Variants in NFASC observed in about 807,000 individuals in gnomAD.
NFASC encodes the protein neurofascin homolog.
In NFASC, 43 loss-of-function variants were observed where a neutral mutation model predicts 147.5. The ratio of observed to expected loss-of-function variants is 0.29; its 90% CI spans 0.23 to 0.38. The LOEUF is 0.38. Ranked by LOEUF, NFASC falls within the 10% of genes least tolerant of loss-of-function variation. The pLI is 1.00. For missense variants in NFASC, 1,320 were observed against 1,689.0 expected (o/e 0.78, Z 3.83); for synonymous variants, 622 against 665.5 (o/e 0.93, Z 1.01).
chr1:204,997,132 A>G (rs1271631398), intron 24 of NFASC, 38 bp from the exon 25 acceptor site: 15 of 1,583,692 alleles, frequency 9.5e-6, no homozygotes, highest in Middle Eastern at 3.4e-4. Context: ...GGCACAGCCA[A>G]ACCAACCAGA....
chr1:204,969,040 C>A, intron 10 of NFASC, 58 bp downstream of exon 10: 1 of 1,504,562 alleles, frequency 6.6e-7, no homozygotes, highest in Non-Finnish European at 9.1e-7. Flanking sequence ...ACCATGCCCA[C>A]CCTTCCCTCT....
chr1:204,949,242 T>C (rs2093966439), intron 3 of NFASC, among the ~76,000 whole-genome samples: 1 of 152,236 alleles, frequency 6.6e-6, no homozygotes, highest in Non-Finnish European at 1.5e-5. Context: ...CTGCCCCTCC[T>C]CTGGGATCTC....
At chr1:204,860,409 G>A (rs2076555633) in intron 1 of NFASC, among the ~76,000 whole-genome samples, 1 of 152,152 alleles carries the variant, frequency 6.6e-6, no homozygotes, top group South Asian at 2.1e-4. Context: ...GTGGGCCAGT[G>A]TCCCCTGTGC....
At chr1:205,014,976 C>T (rs1167764300) in intron 29 of NFASC, among the ~76,000 whole-genome samples, 1 of 152,090 alleles carries the variant, frequency 6.6e-6, no homozygotes, top group Admixed American at 6.5e-5. Flanking sequence ...TCCCTCACAC[C>T]ATCTCCCAAC....
At chr1:204,841,446 G>C (rs555406176) in intron 1 of NFASC, among the ~76,000 whole-genome samples, 1 of 152,296 alleles carries the variant, frequency 6.6e-6, no homozygotes, top group South Asian at 2.1e-4. Flanking sequence ...GAGTATCACA[G>C]AGATTCCAAT....
At chr1:204,977,649 G>A in intron 16 of NFASC, 32 bp from the exon 17 acceptor site, 1 of 1,603,258 alleles carries the variant, frequency 6.2e-7, no homozygotes, top group Non-Finnish European at 8.5e-7. Context: ...TGGATAACCT[G>A]CTAACCTGGA....
At chr1:204,886,351 T>C (rs995011880) in intron 1 of NFASC, among the ~76,000 whole-genome samples, 3 of 152,256 alleles carry the variant, frequency 2.0e-5, no homozygotes, top group Non-Finnish European at 4.4e-5. Flanking sequence ...CATCTCATTT[T>C]TGTAAAAAGT....
At chr1:204,865,921 C>T (rs2077069004) in intron 1 of NFASC, among the ~76,000 whole-genome samples, 1 of 152,162 alleles carries the variant, frequency 6.6e-6, no homozygotes, top group Non-Finnish European at 1.5e-5. Context: ...GCCAATTTAC[C>T]CTTCTGCCAG....
chr1:204,893,782 T>G (rs1042926615), intron 1 of NFASC, among the ~76,000 whole-genome samples: 1 of 152,222 alleles, frequency 6.6e-6, no homozygotes, highest in East Asian at 1.9e-4. Context: ...CTTCTCCCCC[T>G]TTGCCTCTCT....
chr1:204,953,275 T>G (rs923735929), intron 5 of NFASC, among the ~76,000 whole-genome samples: 1 of 152,118 alleles, frequency 6.6e-6, no homozygotes, highest in Non-Finnish European at 1.5e-5. Flanking sequence ...CTTTAAAAGC[T>G]GCCACTGTTT....
intron 27 of NFASC, among the ~76,000 whole-genome samples, chr1:205,007,541 GATCT>G (rs1020109482): frequency 5.9e-5 from 9 of 152,042 alleles, no homozygotes; most frequent in African/African-American, 1.7e-4. Context: ...GATAATGATA[GATCT>G]ATATATATTA....
chr1:204,911,858 T>C (rs991850419), intron 1 of NFASC, among the ~76,000 whole-genome samples: 5 of 152,180 alleles, frequency 3.3e-5, no homozygotes, highest in African/African-American at 9.7e-5. Flanking sequence ...TGGCAGTTTG[T>C]GTTTTTTGAG....
chr1:204,974,755 G>A lies in NFASC; in HGVS notation c.1490G>A (p.Gly497Asp), dbSNP rs770489935. ...AAGATGATCCGCAAAGAGGACCAGGGCATCTACACCTGTGTCGCCACCAAC... is the reference window on the plus strand; with the variant it reads ...AAGATGATCCGCAAAGAGGACCAGGACATCTACACCTGTGTCGCCACCAAC... The part of the protein sequence containing the change: ...EIKMIRKEDQ[G>D]IYTCVATNIL... The change falls in exon 14 of 30, where the codon GGC (glycine) becomes GAC (aspartate). Residue 497 changes from glycine (G) to aspartate (D), a missense_variant. This residue lies in a region of NFASC where 981 missense variants were observed against 1,289.5 expected (regional missense o/e 0.76). Transcript: ENST00000339876. 1.2e-6 allele frequency: 2 copies of A among 1,613,550 alleles called. No individual in the cohort carries two copies. The highest frequency in any genetic ancestry group is 1.7e-6 in the Non-Finnish European group (2 of 1,179,862).
intron 2 of NFASC, among the ~76,000 whole-genome samples, chr1:204,927,581 T>C (rs1421927029): frequency 1.3e-5 from 2 of 152,202 alleles, no homozygotes; most frequent in Non-Finnish European, 2.9e-5. Flanking sequence ...AGTATTTTTA[T>C]ACTCTACAAA....
At chr1:204,860,767 C>A (rs1157848203) in intron 1 of NFASC, among the ~76,000 whole-genome samples, 1 of 152,144 alleles carries the variant, frequency 6.6e-6, no homozygotes, top group Non-Finnish European at 1.5e-5. Context: ...TAGCCCCTGG[C>A]AATCATTAAT....
At chr1:204,846,149 G>A (rs532122022) in intron 1 of NFASC, among the ~76,000 whole-genome samples, 4 of 150,694 alleles carry the variant, frequency 2.7e-5, no homozygotes, top group African/African-American at 9.8e-5. Context: ...TTGAGCCCAG[G>A]AGTTTGAGGC....
rs1220055758 is a variant in NFASC at position 205,009,590 on chromosome 1, A to G, written c.3323A>G (p.Gln1108Arg). ...YTNNQADIAT[Q>R]GWFIGLMCAI... ...AACAACCAAGCGGACATCGCCACCCAGGGCTGGTTCATTGGGCTTATGTGC... is the reference window on the plus strand; with the variant it reads ...AACAACCAAGCGGACATCGCCACCCGGGGCTGGTTCATTGGGCTTATGTGC... The change falls in exon 28 of 30, where the codon CAG becomes CGG. Residue 1108 changes from glutamine (Q) to arginine (R), a missense_variant. Gln to Arg is a conservative substitution (Grantham distance 43, BLOSUM62 1). Around this residue, in one of 3 missense-constraint regions of NFASC, gnomAD observed 167 missense variants for 233.8 expected, o/e 0.71. Transcript: ENST00000339876. The G allele has an allele frequency of 3.7e-6, 6 of 1,614,114 alleles. No individual in the cohort carries two copies. Among genetic ancestry groups the G allele is most frequent in the East Asian group, 4.5e-5 (2 of 44,870 alleles).
chr1:204,890,133 G>A (rs542816899), intron 1 of NFASC, among the ~76,000 whole-genome samples: 89 of 152,340 alleles, frequency 5.8e-4, no homozygotes, highest in South Asian at 1.5e-3. Flanking sequence ...TTGCCTGACA[G>A]AAGATGTAGG....
intron 1 of NFASC, among the ~76,000 whole-genome samples, chr1:204,862,594 G>C (rs2076766541): frequency 6.6e-6 from 1 of 152,216 alleles, no homozygotes; most frequent in African/African-American, 2.4e-5. Flanking sequence ...TAACCTGGGA[G>C]TTTGGTGGGA....
Sources: gnomAD v4.1 joint callset for allele counts (sites outside exome capture counted in the v4.1 genomes callset) on GRCh38, gnomAD v4.1.1 for gene constraint, gnomAD v4.1.1 regional missense constraint, MANE v1.5 for transcripts, NCBI Gene and HGNC (gene_info 2026-07-23, HGNC 2026-07-21) for gene names.